The following RGS8 variants were observed in gnomAD, a reference collection of about 807,000 sequenced individuals.
RGS8 encodes the protein regulator of G-protein signaling 8.
Under a neutral mutation model 21.7 loss-of-function variants are expected in RGS8, and 8 were observed. That is an observed-to-expected ratio of 0.37 (90% CI 0.22 to 0.66). The LOEUF is 0.66. RGS8 is among the 30% of genes least tolerant of loss of function. The pLI is 0.59. For missense variants in RGS8, 157 were observed against 217.9 expected (o/e 0.72, Z 1.76); for synonymous variants, 80 against 83.6 (o/e 0.96, Z 0.24).
At chr1:182,693,244 C>T in the RGS8 span, among the ~76,000 whole-genome samples, 1 of 152,098 alleles carries the variant, frequency 6.6e-6, no homozygotes, top group Admixed American at 6.6e-5. Context: ...GTTTAATATC[C>T]AGAACCTATA....
At chr1:182,652,416 T>C (rs995686393) in intron 5 of RGS8, among the ~76,000 whole-genome samples, 6 of 152,230 alleles carry the variant, frequency 3.9e-5, no homozygotes, top group Non-Finnish European at 8.8e-5. Flanking sequence ...TGAGTAGAGA[T>C]AACTTCTGCA....
Position 182,646,935 on chromosome 1 carries a change from GAGCA to G in RGS8, c.361-22_361-19del. On this transcript the variant is annotated intron_variant, in intron 6 of 6. Coordinates refer to ENST00000483095, the Ensembl canonical transcript of RGS8. ...ATGTTTACCTAGAGATACAAACAGAGAGCAAGGTCACAGGCCCTCAAGGGCCAAG... is the reference window on the plus strand; with the variant it reads ...ATGTTTACCTAGAGATACAAACAGAGAGGTCACAGGCCCTCAAGGGCCAAG... 1 of 1,607,672 alleles carries G rather than the reference GAGCA, an allele frequency of 6.2e-7. No individual in the cohort carries two copies. The highest frequency in any genetic ancestry group is 8.5e-7 in the Non-Finnish European group (1 of 1,177,800).
chr1:182,730,897 G>A, the RGS8 span, among the ~76,000 whole-genome samples: 1,662 of 152,064 alleles, frequency 0.011, 16 homozygotes, highest in South Asian at 0.022. Flanking sequence ...ATTTTTAACC[G>A]GCACTGTAAA....
chr1:182,721,048 T>TAC, the RGS8 span, among the ~76,000 whole-genome samples: 4 of 70,752 alleles, frequency 5.7e-5, no homozygotes, highest in Non-Finnish European at 8.5e-5. Context: ...TACATATACA[T>TAC]ACATATATAT....
chr1:182,679,835 C>T (rs1664484360), intron 1 of RGS8, among the ~76,000 whole-genome samples: 1 of 152,104 alleles, frequency 6.6e-6, no homozygotes, highest in South Asian at 2.1e-4. Flanking sequence ...ACCCGCACCC[C>T]CTACACACAC....
the RGS8 span, among the ~76,000 whole-genome samples, chr1:182,722,579 CAG>C: frequency 6.6e-6 from 1 of 152,092 alleles, no homozygotes; most frequent in Non-Finnish European, 1.5e-5. Flanking sequence ...TGGCTCCCAG[CAG>C]TCCTCGGGGT....
chr1:182,736,921 C>G, the RGS8 span, among the ~76,000 whole-genome samples: 1 of 152,296 alleles, frequency 6.6e-6, no homozygotes, highest in East Asian at 1.9e-4. Context: ...TTTCCTGCAG[C>G]TGCTATCACA....
At chr1:182,643,092 C>T (rs1225102312), downstream of RGS8, 3 of 152,286 alleles carry the variant, frequency 2.0e-5, no homozygotes, top group African/African-American at 4.8e-5. Flanking sequence ...GAGCGTCTTT[C>T]GATCAAGGGT....
chr1:182,650,603 T>A (rs551664357), intron 5 of RGS8, among the ~76,000 whole-genome samples: 1 of 152,312 alleles, frequency 6.6e-6, no homozygotes, highest in South Asian at 2.1e-4. Flanking sequence ...TGTTCATACC[T>A]GTAGTCTCAA....
At chr1:182,664,364 G>T (rs911878693) in intron 5 of RGS8, among the ~76,000 whole-genome samples, 5 of 151,962 alleles carry the variant, frequency 3.3e-5, no homozygotes, top group Non-Finnish European at 7.4e-5. Flanking sequence ...TCAACGAAAG[G>T]TGTCCTCTTA....
the RGS8 span, among the ~76,000 whole-genome samples, chr1:182,710,132 A>C: frequency 2.0e-5 from 3 of 152,178 alleles, no homozygotes; most frequent in African/African-American, 7.2e-5. Flanking sequence ...ATGAGACCTA[A>C]AGTTATGGCC....
chr1:182,662,042 C>T (rs951765071), intron 5 of RGS8, among the ~76,000 whole-genome samples: 1 of 152,148 alleles, frequency 6.6e-6, no homozygotes, highest in Non-Finnish European at 1.5e-5. Flanking sequence ...GTGGTTACTT[C>T]CTGGACCTCC....
the RGS8 span, among the ~76,000 whole-genome samples, chr1:182,717,020 C>A: frequency 1.1e-4 from 17 of 152,174 alleles, no homozygotes; most frequent in African/African-American, 4.1e-4. Context: ...TGGTAAAATA[C>A]TTTACCCTAT....
exon 5 of RGS8, chr1:182,666,008 T>A: frequency 3.1e-6 from 5 of 1,614,016 alleles, no homozygotes; most frequent in Non-Finnish European, 8.5e-7. Flanking sequence ...TCTGCCCACC[T>A]CGTAGCTTCT....
the RGS8 span, among the ~76,000 whole-genome samples, chr1:182,745,178 A>G: frequency 6.6e-6 from 1 of 152,186 alleles, no homozygotes; most frequent in African/African-American, 2.4e-5. Flanking sequence ...TGACCAAAAT[A>G]CAACAAAAAT....
chr1:182,655,277 G>A (rs1039416392), intron 5 of RGS8, among the ~76,000 whole-genome samples: 7 of 152,216 alleles, frequency 4.6e-5, no homozygotes, highest in South Asian at 2.1e-4. Flanking sequence ...CCACTGAAGT[G>A]GAAGGAGAGG....
intron 1 of RGS8, among the ~76,000 whole-genome samples, chr1:182,680,350 C>CACAT (rs1664499454): frequency 6.6e-6 from 1 of 152,222 alleles, no homozygotes; most frequent in Non-Finnish European, 1.5e-5. Context: ...TAATCATGAG[C>CACAT]ACATATCACA....
upstream of RGS8, chr1:182,671,963 G>A (rs1313595895): frequency 1.5e-5 from 20 of 1,364,400 alleles, no homozygotes; most frequent in Admixed American, 3.0e-5. Context: ...CTCAGCTCCC[G>A]GGCACAGTCT....
Position 182,665,939 on chromosome 1 carries a change from A to G in RGS8, c.193+30T>C, listed in dbSNP as rs768834099. 127 of 1,585,086 alleles carry G rather than the reference A, an allele frequency of 8.0e-5. No homozygotes were observed. The Middle Eastern group carries it at 8.3e-4, about 10-fold the overall frequency. ...TCTCTCACTAAATAGATGATTTGCC[A>G]TGTCATGATACGACCTGAATTCTAC... On this transcript the variant is annotated intron_variant, in intron 5 of 6. Transcript: ENST00000483095.
Sources: gnomAD v4.1 joint callset for allele counts (sites outside exome capture counted in the v4.1 genomes callset) on GRCh38, gnomAD v4.1.1 for gene constraint, MANE v1.5 for transcripts, NCBI Gene and HGNC (gene_info 2026-07-23, HGNC 2026-07-21) for gene names.